FRMD3: variants seen among roughly 807,000 people sequenced by gnomAD.
FRMD3 encodes the protein FERM domain containing 3, also known as FERM domain-containing protein 3.
FRMD3 carries 33 observed loss-of-function variants against 70.2 expected under a neutral mutation model. The observed-to-expected ratio is 0.47, with a 90% CI of 0.36 to 0.63. The LOEUF (loss-of-function observed/expected upper bound fraction) is 0.63, where lower values mean the gene tolerates loss of function less well. Ranked by LOEUF, FRMD3 falls within the 20% of genes least tolerant of loss-of-function variation. The pLI is 0.00. For synonymous variants in FRMD3, 279 were observed against 255.9 expected, an observed-to-expected ratio of 1.09 and a Z score of -0.86; for missense variants, 632 against 711.4, an observed-to-expected ratio of 0.89 and a Z score of 1.27.
intron 13 of FRMD3, among the ~76,000 whole-genome samples, chr9:83,259,839 G>T (rs1418522396): frequency 6.6e-6 from 1 of 152,078 alleles, no homozygotes; most frequent in Non-Finnish European, 1.5e-5. Context: ...GGCAATACTT[G>T]CTCTGGGAGG....
chr9:83,473,883 T>C (rs1048461220), intron 1 of FRMD3, among the ~76,000 whole-genome samples: 1 of 152,200 alleles, frequency 6.6e-6, no homozygotes, highest in Non-Finnish European at 1.5e-5. Flanking sequence ...CAGATGTAAC[T>C]ATACCAGATA....
intron 10 of FRMD3, among the ~76,000 whole-genome samples, chr9:83,308,874 C>G (rs554820064): frequency 3.3e-5 from 5 of 152,170 alleles, no homozygotes; most frequent in Non-Finnish European, 7.3e-5. Flanking sequence ...CCAACCCATA[C>G]TCAGAGTAAG....
intron 10 of FRMD3, among the ~76,000 whole-genome samples, chr9:83,303,504 C>A (rs1835002230): frequency 6.6e-6 from 1 of 152,216 alleles, no homozygotes; most frequent in African/African-American, 2.4e-5. Flanking sequence ...TTCAGTAGAT[C>A]TGGGGAAGAG....
intron 1 of FRMD3, among the ~76,000 whole-genome samples, chr9:83,393,181 CAACTT>C (rs1056797147): frequency 6.6e-6 from 1 of 152,206 alleles, no homozygotes; most frequent in African/African-American, 2.4e-5. Context: ...TTCAACTACA[CAACTT>C]AACTTGTGTC....
chr9:83,468,772 T>C (rs138247855), intron 1 of FRMD3, among the ~76,000 whole-genome samples: 1 of 152,332 alleles, frequency 6.6e-6, no homozygotes, highest in Non-Finnish European at 1.5e-5. Flanking sequence ...TTTATCACCA[T>C]AGACCTTTGC....
At chr9:83,325,177 C>T (rs146420394) in intron 6 of FRMD3, among the ~76,000 whole-genome samples, 17 of 152,054 alleles carry the variant, frequency 1.1e-4, no homozygotes, top group South Asian at 8.3e-4. Flanking sequence ...AGAGTGGGAG[C>T]GGGTGAGGGA....
At chr9:83,350,890 C>CTACACTGGTATGCATTTAT in intron 3 of FRMD3, 1 of 440,500 alleles carries the variant, frequency 2.3e-6, no homozygotes, top group South Asian at 9.6e-5. Flanking sequence ...TAAATGCATA[C>CTACACTGGTATGCATTTAT]CAGTGTAGTG....
chr9:83,309,497 C>T (rs748762750), intron 10 of FRMD3, 39 bp downstream of exon 10: 2 of 1,222,752 alleles, frequency 1.6e-6, no homozygotes, highest in Admixed American at 4.3e-5. Context: ...TCCATGGGTG[C>T]TTTTAAAAGC....
intron 3 of FRMD3, among the ~76,000 whole-genome samples, chr9:83,350,544 ACCCAGGAGG>A (rs2131186290): frequency 6.9e-6 from 1 of 144,294 alleles, no homozygotes; most frequent in South Asian, 2.2e-4. Context: ...AATTGCTTGA[ACCCAGGAGG>A]CGGAGGTTGC....
chr9:83,523,458 A>G (rs1369077912), intron 1 of FRMD3, among the ~76,000 whole-genome samples: 2 of 152,238 alleles, frequency 1.3e-5, no homozygotes, highest in African/African-American at 4.8e-5. Context: ...TATATTTTAT[A>G]TTTAACAACT....
intron 2 of FRMD3, among the ~76,000 whole-genome samples, chr9:83,384,748 A>G (rs943246210): frequency 6.6e-6 from 1 of 152,208 alleles, no homozygotes; most frequent in Admixed American, 6.5e-5. Flanking sequence ...AGTGTACCCC[A>G]AAAGTGTGGA....
the FRMD3 span, among the ~76,000 whole-genome samples, chr9:83,574,465 T>A: frequency 2.0e-5 from 3 of 152,204 alleles, no homozygotes; most frequent in Non-Finnish European, 4.4e-5. Context: ...CGAGAAGAAC[T>A]CCATTTAATA....
chr9:83,413,652 A>G (rs1400026496), intron 1 of FRMD3, among the ~76,000 whole-genome samples: 1 of 152,162 alleles, frequency 6.6e-6, no homozygotes. Context: ...TAACAGAACC[A>G]TGCTGCCTGC....
At chr9:83,579,492 A>G in the FRMD3 span, among the ~76,000 whole-genome samples, 1 of 152,120 alleles carries the variant, frequency 6.6e-6, no homozygotes, top group Admixed American at 6.6e-5. Flanking sequence ...ATATACAGTC[A>G]ATTGATTTTT....
intron 1 of FRMD3, among the ~76,000 whole-genome samples, chr9:83,422,412 G>A (rs1826672873): frequency 6.6e-6 from 1 of 152,188 alleles, no homozygotes; most frequent in Non-Finnish European, 1.5e-5. Context: ...AAGTGTGGAT[G>A]CCTCTTGATC....
At chr9:83,562,812 A>T in the FRMD3 span, among the ~76,000 whole-genome samples, 2 of 152,190 alleles carry the variant, frequency 1.3e-5, no homozygotes, top group Admixed American at 1.3e-4. Flanking sequence ...TAAAAGTCAA[A>T]GGCTTAGATC....
chr9:83,468,017 A>C (rs1828175158), intron 1 of FRMD3, among the ~76,000 whole-genome samples: 1 of 152,280 alleles, frequency 6.6e-6, no homozygotes, highest in East Asian at 1.9e-4. Context: ...AAAAAAAATC[A>C]GTGGGAATAA....
At chr9:83,385,700 A>G (rs1825492035) in intron 2 of FRMD3, among the ~76,000 whole-genome samples, 1 of 152,100 alleles carries the variant, frequency 6.6e-6, no homozygotes, top group Non-Finnish European at 1.5e-5. Context: ...CAAATAATTC[A>G]TCAGTTTTAC....
intron 2 of FRMD3, 122 bp downstream of exon 2, chr9:83,389,482 T>C: frequency 1.5e-6 from 1 of 685,546 alleles, no homozygotes; most frequent in South Asian, 1.7e-5. Context: ...TCACACAGGG[T>C]TTCATGTGCC....
Sources: gnomAD v4.1 joint callset for allele counts (sites outside exome capture counted in the v4.1 genomes callset) on GRCh38, gnomAD v4.1.1 for gene constraint, MANE v1.5 for transcripts, NCBI Gene and HGNC (gene_info 2026-07-23, HGNC 2026-07-21) for gene names.